Variants in ADAMTS12 observed in about 807,000 individuals in gnomAD.
ADAMTS12 encodes ADAM metallopeptidase with thrombospondin type 1 motif 12.
Under a neutral mutation model 167.8 loss-of-function variants are expected in ADAMTS12, and 118 were observed. The observed-to-expected ratio is 0.70, with a 90% CI of 0.61 to 0.82. The LOEUF is 0.82. ADAMTS12 is among the 40% of genes least tolerant of loss of function. ADAMTS12 has a pLI of 0.00. For missense variants in ADAMTS12, 1,916 were observed against 1,998.8 expected, an observed-to-expected ratio of 0.96 and a Z score of 0.79; for synonymous variants, 704 against 716.9, an observed-to-expected ratio of 0.98 and a Z score of 0.29.
intron 2 of ADAMTS12, among the ~76,000 whole-genome samples, chr5:33,832,575 A>G (rs1748340951): frequency 6.6e-6 from 1 of 152,242 alleles, no homozygotes. Context: ...TTAGACATTA[A>G]AGACTCAGCA....
chr5:33,782,235 T>C (rs891000084), intron 2 of ADAMTS12, among the ~76,000 whole-genome samples: 1 of 152,004 alleles, frequency 6.6e-6, no homozygotes, highest in African/African-American at 2.4e-5. Context: ...AGGGAGTAAA[T>C]GGAGCGACAT....
chr5:33,575,801 G>T (rs576771220), intron 19 of ADAMTS12, among the ~76,000 whole-genome samples: 22 of 152,248 alleles, frequency 1.4e-4, no homozygotes, highest in Admixed American at 5.2e-4. Flanking sequence ...ATTTGGTTGG[G>T]TCAGGTAGAA....
chr5:33,714,786 G>A (rs7725945), intron 3 of ADAMTS12, among the ~76,000 whole-genome samples: 92,769 of 151,872 alleles, frequency 0.61, 29,527 homozygotes, highest in Non-Finnish European at 0.69. Flanking sequence ...AGTTATCAGA[G>A]GTTGAAAGGG....
At chr5:33,862,823 C>T (rs1488543104) in intron 2 of ADAMTS12, among the ~76,000 whole-genome samples, 1 of 152,086 alleles carries the variant, frequency 6.6e-6, no homozygotes, top group Non-Finnish European at 1.5e-5. Context: ...AATCCAGAAG[C>T]ACATCAAAAA....
At chr5:33,628,404 G>C (rs1739760262) in intron 13 of ADAMTS12, among the ~76,000 whole-genome samples, 2 of 151,942 alleles carry the variant, frequency 1.3e-5, no homozygotes, top group African/African-American at 2.4e-5. Flanking sequence ...CTATATCTTT[G>C]ATAAACAAGC....
At chr5:33,740,358 C>G (rs1313279280) in intron 3 of ADAMTS12, among the ~76,000 whole-genome samples, 1 of 152,156 alleles carries the variant, frequency 6.6e-6, no homozygotes, top group Admixed American at 6.5e-5. Context: ...ATCCCGGGGC[C>G]AGCTACATAA....
At chr5:33,878,433 C>T (rs750728467) in intron 2 of ADAMTS12, among the ~76,000 whole-genome samples, 1 of 152,116 alleles carries the variant, frequency 6.6e-6, no homozygotes, top group Non-Finnish European at 1.5e-5. Flanking sequence ...TTCTGAACGT[C>T]GTATGAATCT....
At chr5:33,739,712 C>A (rs745436586) in intron 3 of ADAMTS12, among the ~76,000 whole-genome samples, 1 of 152,168 alleles carries the variant, frequency 6.6e-6, no homozygotes, top group Non-Finnish European at 1.5e-5. Context: ...GAAGTTCTGC[C>A]GCCTCTTTAG....
chr5:33,569,854 T>A (rs1746219914), intron 19 of ADAMTS12, among the ~76,000 whole-genome samples: 1 of 151,956 alleles, frequency 6.6e-6, no homozygotes, highest in East Asian at 1.9e-4. Context: ...TTGAAAAAAA[T>A]TTAGACGAAT....
intron 18 of ADAMTS12, among the ~76,000 whole-genome samples, chr5:33,586,169 T>G (rs1330376470): frequency 6.6e-6 from 1 of 152,040 alleles, no homozygotes; most frequent in Non-Finnish European, 1.5e-5. Flanking sequence ...CCAGACAAAA[T>G]CTAGATAATA....
At chr5:33,707,513 G>C (rs1248486971) in intron 3 of ADAMTS12, among the ~76,000 whole-genome samples, 1 of 152,114 alleles carries the variant, frequency 6.6e-6, no homozygotes, top group Non-Finnish European at 1.5e-5. Flanking sequence ...TAAGCAAAAA[G>C]AACAAAGCTG....
At chr5:33,827,742 GATA>G (rs1748140936) in intron 2 of ADAMTS12, among the ~76,000 whole-genome samples, 1 of 151,822 alleles carries the variant, frequency 6.6e-6, no homozygotes, top group Non-Finnish European at 1.5e-5. Flanking sequence ...TAGATAGATA[GATA>G]GATAGATAGA....
At position 33,591,786 on chromosome 5, in the gene ADAMTS12, C is replaced by G. The variant is rs73760608; in HGVS notation, c.2655-2977G>C. On this transcript the variant is annotated intron_variant, in intron 17 of 23. Transcript: ENST00000504830. ...CTCCCCAGGGGACATTTGGGAATGTCTGAAGACATTTTTCGTCGTCACAAA... is the reference window on the plus strand; with the variant it reads ...CTCCCCAGGGGACATTTGGGAATGTGTGAAGACATTTTTCGTCGTCACAAA... Among the ~76,000 whole-genome samples the G allele has an allele frequency of 9.3e-3, 1,412 of 152,226 alleles. 25 individuals are homozygous for G. The highest frequency in any genetic ancestry group is 0.032 in the African/African-American group (1,344 of 41,518).
At chr5:33,822,083 A>G (rs551063115) in intron 2 of ADAMTS12, among the ~76,000 whole-genome samples, 1 of 152,118 alleles carries the variant, frequency 6.6e-6, no homozygotes, top group South Asian at 2.1e-4. Context: ...TTTTTCCCTC[A>G]CTCCTGGTCT....
intron 6 of ADAMTS12, 70 bp from the exon 7 acceptor site, chr5:33,658,403 T>C: frequency 3.8e-6 from 6 of 1,583,874 alleles, no homozygotes; most frequent in Non-Finnish European, 5.2e-6. Context: ...GAAAAAAATC[T>C]GGGTATAAAC....
intron 5 of ADAMTS12, among the ~76,000 whole-genome samples, chr5:33,670,192 G>C (rs1449553626): frequency 6.6e-6 from 1 of 151,166 alleles, no homozygotes; most frequent in Admixed American, 6.6e-5. Flanking sequence ...ATATCATAAA[G>C]AGACACGTCA....
chr5:33,723,697 GC>G (rs944504312), intron 3 of ADAMTS12, among the ~76,000 whole-genome samples: 8 of 152,144 alleles, frequency 5.3e-5, no homozygotes, highest in African/African-American at 1.9e-4. Context: ...CCCTGGGCAA[GC>G]AGAGGTACTT....
intron 21 of ADAMTS12, among the ~76,000 whole-genome samples, chr5:33,548,919 A>G (rs948417423): frequency 2.6e-5 from 4 of 152,206 alleles, no homozygotes; most frequent in African/African-American, 9.6e-5. Context: ...TTTTCCCTGC[A>G]AGGACACCAA....
chr5:33,541,592 G>A (rs774668915), intron 22 of ADAMTS12, among the ~76,000 whole-genome samples: 59 of 152,264 alleles, frequency 3.9e-4, no homozygotes, highest in Non-Finnish European at 7.5e-4. Context: ...GAGAAAGGTC[G>A]GGTTACCCAC....
Sources: gnomAD v4.1 joint callset for allele counts (sites outside exome capture counted in the v4.1 genomes callset) on GRCh38, gnomAD v4.1.1 for gene constraint, MANE v1.5 for transcripts, NCBI Gene and HGNC (gene_info 2026-07-23, HGNC 2026-07-21) for gene names.